The following IQCF1 variants were observed in gnomAD, a reference collection of about 807,000 sequenced individuals.
IQCF1 encodes the protein IQ motif containing F1.
Under a neutral mutation model 12.5 loss-of-function variants are expected in IQCF1, and 9 were observed. The ratio of observed to expected loss-of-function variants is 0.72; its 90% CI spans 0.43 to 1.26. The LOEUF is 1.26. Ranked by LOEUF, IQCF1 falls within the 50% of genes most tolerant of loss-of-function variation. The probability of loss-of-function intolerance (pLI) is 0.00; values close to 1 mark genes in which losing one functional copy is unlikely to be tolerated. For missense variants in IQCF1, 252 were observed against 257.4 expected (o/e 0.98, Z 0.14); for synonymous variants, 67 against 96.2 (o/e 0.70, Z 1.78).
chr3:51,896,974 G>C (rs1699012081), intron 2 of IQCF1, 80 bp from the exon 3 acceptor site: 1 of 1,096,592 alleles, frequency 9.1e-7, no homozygotes, highest in East Asian at 2.4e-5. Flanking sequence ...TTAGATATGA[G>C]TTCTAAATTT....
At chr3:51,901,233 G>A (rs868830818) in intron 2 of IQCF1, among the ~76,000 whole-genome samples, 1 of 152,186 alleles carries the variant, frequency 6.6e-6, no homozygotes, top group African/African-American at 2.4e-5. Context: ...TGGGCTGCAT[G>A]GTAGCTCTTT....
intron 2 of IQCF1, among the ~76,000 whole-genome samples, chr3:51,902,466 A>G (rs1699085299): frequency 1.3e-5 from 2 of 152,190 alleles, no homozygotes; most frequent in African/African-American, 4.8e-5. Flanking sequence ...ACTTCCTTGT[A>G]AAGCAACCTT....
Position 51,895,893 on chromosome 3 carries a change from G to A in IQCF1, c.172-557C>T, listed in dbSNP as rs1171448467. Among the ~76,000 whole-genome samples, 1 of 152,094 alleles carries A rather than the reference G, an allele frequency of 6.6e-6. No individual in the cohort carries two copies. Among genetic ancestry groups the A allele is most frequent in the East Asian group, 1.9e-4 (1 of 5,198 alleles). The stretch of plus-strand genomic sequence containing the variant: ...CACAAATCATAACTTCTCATCAGAT[G>A]GGTTTTATTTAACCCTATATATTGT... On this transcript the variant is annotated intron_variant, in intron 3 of 3. Coordinates refer to ENST00000310914, the MANE Select transcript of IQCF1 (RefSeq NM_152397.3). This position sits in a 1 kb window ranked among gnomAD's most constrained non-coding sequence, Gnocchi z 4.8.
chr3:51,896,770 C>A, intron 3 of IQCF1, 62 bp downstream of exon 3: 1 of 1,264,152 alleles, frequency 7.9e-7, no homozygotes, highest in Admixed American at 1.7e-5. Context: ...ATGGTCATTC[C>A]ATTCCACCAG....
intron 2 of IQCF1, among the ~76,000 whole-genome samples, chr3:51,898,764 A>T (rs1288850390): frequency 1.3e-5 from 2 of 152,224 alleles, no homozygotes; most frequent in Admixed American, 1.3e-4. Flanking sequence ...TAATTACCAT[A>T]CAAAGGTCCA....
intron 2 of IQCF1, among the ~76,000 whole-genome samples, chr3:51,897,448 G>A (rs1159030720): frequency 6.6e-6 from 1 of 152,164 alleles, no homozygotes; most frequent in Non-Finnish European, 1.5e-5. Context: ...TTGGGGGCTC[G>A]CCTGTGATTA....
chr3:51,902,503 C>T (rs1471076269), intron 2 of IQCF1, among the ~76,000 whole-genome samples: 1 of 152,184 alleles, frequency 6.6e-6, no homozygotes, highest in Non-Finnish European at 1.5e-5. Flanking sequence ...CGCCCTGACT[C>T]ATTCTGATTA....
At chr3:51,897,936 G>A (rs561780651) in intron 2 of IQCF1, among the ~76,000 whole-genome samples, 1 of 152,166 alleles carries the variant, frequency 6.6e-6, no homozygotes, top group Non-Finnish European at 1.5e-5. Context: ...TGAGCCTTCC[G>A]GGGCAGGCAA....
At position 51,903,316 on chromosome 3, in the gene IQCF1, A is replaced by G; in HGVS notation, c.-44T>C. ...TTGTAGATGGTTCAAATCCCCTCACATCTGTGTTCATCCAGCCATAGCATA... is the reference window on the plus strand; with the variant it reads ...TTGTAGATGGTTCAAATCCCCTCACGTCTGTGTTCATCCAGCCATAGCATA... On this transcript the variant is annotated 5_prime_UTR_variant, in exon 1 of 4. It removes an upstream start codon present in the reference 5' UTR. Coordinates refer to ENST00000310914, the MANE Select transcript of IQCF1 (RefSeq NM_152397.3). The G allele has an allele frequency of 1.2e-6, 2 of 1,610,156 alleles. No individual in the cohort carries two copies. The highest frequency in any genetic ancestry group is 2.2e-5 in the South Asian group (2 of 90,974).
At chr3:51,899,486 A>C (rs1660007086) in intron 2 of IQCF1, among the ~76,000 whole-genome samples, 1 of 152,266 alleles carries the variant, frequency 6.6e-6, no homozygotes, top group African/African-American at 2.4e-5. Flanking sequence ...CTTTGGTAAA[A>C]GGATTATAAG....
In IQCF1 at chr3:51,895,468, C is replaced by A; in HGVS notation, c.172-132G>T. On this transcript the variant is annotated intron_variant, in intron 3 of 3. Transcript: ENST00000310914. The surrounding 1 kb of genome is among the most constrained non-coding windows in gnomAD (Gnocchi z 4.8). Reference sequence around the variant, plus strand: ...TGGAATTCAGGAGCACTGGGCAGGGCACTGGCTGGAACCAGAAGATCAGGT... The same window carrying A: ...TGGAATTCAGGAGCACTGGGCAGGGAACTGGCTGGAACCAGAAGATCAGGT... The A allele has an allele frequency of 2.6e-6, 2 of 781,334 alleles. No individual in the cohort carries two copies. The highest frequency in any genetic ancestry group is 4.0e-6 in the Non-Finnish European group (2 of 499,800). 48.4% of individuals were successfully genotyped at this position (781,334 alleles called of 1,614,324 possible).
intron 2 of IQCF1, among the ~76,000 whole-genome samples, chr3:51,897,859 G>A (rs1395856416): frequency 2.0e-5 from 3 of 152,168 alleles, no homozygotes; most frequent in Admixed American, 6.5e-5. Flanking sequence ...CACTTAGGGC[G>A]GATCCTGCCA....
Position 51,895,052 on chromosome 3 carries a change from G to A in IQCF1, c.456C>T (p.Arg152=). The A allele has an allele frequency of 2.5e-6, 4 of 1,614,214 alleles. No individual in the cohort carries two copies. The highest frequency in any genetic ancestry group is 3.4e-6 in the Non-Finnish European group (4 of 1,180,024). ...RRYCQVLNAV[R]IIQAYWRCRS... is the part of the protein sequence containing the mutation. The stretch of plus-strand genomic sequence containing the variant: ...GGCACCTCCAGTAAGCCTGGATGAT[G>A]CGAACAGCATTGAGCACCTGGCAAT... The change falls in exon 4 of 4, where the codon CGC becomes CGT. Residue 152 remains arginine (R), a synonymous_variant. Coordinates refer to ENST00000310914, the MANE Select transcript of IQCF1 (RefSeq NM_152397.3). This position sits in a 1 kb window ranked among gnomAD's most constrained non-coding sequence, Gnocchi z 4.8.
At chr3:51,902,494 G>A (rs367935760) in intron 2 of IQCF1, among the ~76,000 whole-genome samples, 1 of 151,738 alleles carries the variant, frequency 6.6e-6, no homozygotes, top group Non-Finnish European at 1.5e-5. Flanking sequence ...TACCTGCTCC[G>A]CCCTGACTCA....
At chr3:51,903,113 G>C (rs1334859257) in intron 1 of IQCF1, 24 bp from the exon 2 acceptor site, 1 of 1,609,952 alleles carries the variant, frequency 6.2e-7, no homozygotes, top group South Asian at 1.1e-5. Context: ...TAGGGGAAAG[G>C]CAAGAGTGAG....
intron 2 of IQCF1, among the ~76,000 whole-genome samples, chr3:51,898,374 CTA>C (rs1699036670): frequency 6.6e-6 from 1 of 152,168 alleles, no homozygotes; most frequent in South Asian, 2.1e-4. Flanking sequence ...CTCCGGGACC[CTA>C]TAACAGTCCA....
At position 51,896,554 on chromosome 3, in the gene IQCF1, C is replaced by T. The variant is rs145780548; in HGVS notation, c.171+278G>A. Among the ~76,000 whole-genome samples the T allele has an allele frequency of 4.7e-3, 722 of 152,120 alleles. 7 individuals are homozygous for T. The highest frequency in any genetic ancestry group is 0.016 in the African/African-American group (684 of 41,514). On this transcript the variant is annotated intron_variant, in intron 3 of 3. Coordinates refer to ENST00000310914, the MANE Select transcript of IQCF1 (RefSeq NM_152397.3). ...TGCAGAGTTCAACTCTTTTTTCTTT[C>T]CGTCAACATGTCATAGTATTAAAAG...
intron 2 of IQCF1, among the ~76,000 whole-genome samples, chr3:51,899,609 C>G (rs1699052116): frequency 1.3e-5 from 2 of 152,170 alleles, no homozygotes; most frequent in Admixed American, 1.3e-4. Flanking sequence ...TGTGTGTAAA[C>G]ATATTGGCTA....
chr3:51,900,739 C>T lies in IQCF1; in HGVS notation c.108+2246G>A, dbSNP rs1047780478. Among the ~76,000 whole-genome samples the T allele has an allele frequency of 2.0e-5, 3 of 152,316 alleles. No individual in the cohort carries two copies. Among genetic ancestry groups the T allele is most frequent in the African/African-American group, 7.2e-5 (3 of 41,574 alleles). On this transcript the variant is annotated intron_variant, in intron 2 of 3. Coordinates refer to ENST00000310914, the MANE Select transcript of IQCF1 (RefSeq NM_152397.3). This position sits in a 1 kb window ranked among gnomAD's most constrained non-coding sequence, Gnocchi z 4.2. ...TAATTTCCTAAAACCATACATTCAT[C>T]TTACTAGAGGGACAGCCCCCGCCTC...
Sources: allele counts gnomAD v4.1 joint callset (sites outside exome capture counted in the v4.1 genomes callset), GRCh38; gene constraint gnomAD v4.1.1; non-coding constraint Gnocchi (gnomAD v3.1); transcripts MANE v1.5; gene names NCBI Gene and HGNC (gene_info 2026-07-23, HGNC 2026-07-21).